DHX36: variants seen among roughly 807,000 people sequenced by gnomAD.
The protein encoded by DHX36 is ATP-dependent DNA/RNA helicase DHX36.
DHX36 carries 50 observed loss-of-function variants against 139.0 expected under a neutral mutation model. That is an observed-to-expected ratio of 0.36 (90% CI 0.29 to 0.46). The LOEUF is 0.46. Ranked by LOEUF, DHX36 falls within the 20% of genes least tolerant of loss-of-function variation. DHX36 has a pLI of 1.00. For missense variants in DHX36, 1,024 were observed against 1,211.3 expected, an observed-to-expected ratio of 0.85 and a Z score of 2.29; for synonymous variants, 425 against 401.9, an observed-to-expected ratio of 1.06 and a Z score of -0.69.
At chr3:154,298,456 TTTC>T (rs1712130263) in intron 12 of DHX36, among the ~76,000 whole-genome samples, 1 of 152,210 alleles carries the variant, frequency 6.6e-6, no homozygotes, top group African/African-American at 2.4e-5. Flanking sequence ...GAAAGCAGTA[TTTC>T]TTTATAGAGA....
chr3:154,315,924 AG>A (rs1429873193), intron 2 of DHX36, 114 bp downstream of exon 2: 6 of 1,265,910 alleles, frequency 4.7e-6, no homozygotes, highest in Non-Finnish European at 5.3e-6. Context: ...AATCTACATA[AG>A]GAAAAAAAGT....
chr3:154,301,114 G>C lies in DHX36; in HGVS notation c.1231C>G (p.Gln411Glu). 6.3e-7 allele frequency: 1 copy of C among 1,594,324 alleles called. No individual in the cohort carries two copies. Residue 411 changes from glutamine (Q) to glutamate (E), a missense_variant, in exon 10 of 25, where the codon CAA becomes GAA. Coordinates refer to ENST00000496811, the MANE Select transcript of DHX36 (RefSeq NM_020865.3). ...VIEKIRYVPE[Q>E]KEHRSQFKRG... is the part of the protein sequence containing the mutation. The stretch of plus-strand genomic sequence containing the variant: ...TTAAACTGGGATCTGTGTTCTTTTT[G>C]TTCTGGAACATACCTAAAATAAAAA...
At chr3:154,309,965 C>A in intron 4 of DHX36, 142 bp from the exon 5 acceptor site, 1 of 618,244 alleles carries the variant, frequency 1.6e-6, no homozygotes. Context: ...CCAATACTGG[C>A]AGTTTGGATA....
intron 3 of DHX36, chr3:154,312,370 T>C (rs1205215189): frequency 2.0e-5 from 3 of 152,188 alleles, no homozygotes; most frequent in Non-Finnish European, 2.9e-5. Flanking sequence ...ATTTTTCCTA[T>C]ATTTATGTGA....
chr3:154,321,261 C>T (rs961931965), intron 1 of DHX36, among the ~76,000 whole-genome samples: 4 of 152,196 alleles, frequency 2.6e-5, no homozygotes, highest in African/African-American at 9.7e-5. Flanking sequence ...CATCTCAATA[C>T]ACTCCACATC....
At position 154,276,275 on chromosome 3, in the gene DHX36, T is replaced by C. The variant is rs1032662220; in HGVS notation, c.2923A>G (p.Arg975Gly). 4 of 1,614,030 alleles carry C rather than the reference T, an allele frequency of 2.5e-6. No homozygotes were observed. The highest frequency in any genetic ancestry group is 1.7e-4 in the Middle Eastern group (1 of 6,060). Residue 975 changes from arginine to glycine, a missense_variant, in exon 25 of 25, where the codon AGA (arginine) becomes GGA (glycine). By Grantham distance (125) the Arg-to-Gly change is moderately radical. This residue lies in a region of DHX36 where 470 missense variants were observed against 616.2 expected (regional missense o/e 0.76). Coordinates refer to ENST00000496811, the MANE Select transcript of DHX36 (RefSeq NM_020865.3). Reference sequence around the variant, plus strand: ...ATAGCTGACAGTACTGCACAGTCTCTGGATTTAGTGTCATTCCAGTCTACA... The same window carrying C: ...ATAGCTGACAGTACTGCACAGTCTCCGGATTTAGTGTCATTCCAGTCTACA... ...HPVDWNDTKS[R>G]DCAVLSAIID...
rs1559963392 is a variant in DHX36 at position 154,324,273 on chromosome 3, G to T, written c.144C>A (p.Gly48=). ...GGTGCCCGGGATGCCGGCCCCTGCC[G>T]CCTCGACCACCCCCTCCGCCGCCGC... The part of the protein sequence containing the change: ...GGGGGGGGGR[G]GRGRHPGHLK... The change falls in exon 1 of 25, where the codon GGC becomes GGA. Residue 48 remains glycine, a synonymous_variant. Transcript: ENST00000496811. 1 of 1,613,376 alleles carries T rather than the reference G, an allele frequency of 6.2e-7. No individual in the cohort carries two copies. The highest frequency in any genetic ancestry group is 1.3e-5 in the African/African-American group (1 of 75,006).
chr3:154,316,199 A>G (rs755539960), intron 1 of DHX36, 36 bp from the exon 2 acceptor site: 11 of 1,607,820 alleles, frequency 6.8e-6, no homozygotes, highest in East Asian at 2.2e-5. Flanking sequence ...CCTTGTCAAC[A>G]TAAGAAAGCA....
intron 15 of DHX36, among the ~76,000 whole-genome samples, chr3:154,290,649 A>G (rs1378547841): frequency 6.6e-6 from 1 of 151,740 alleles, no homozygotes; most frequent in African/African-American, 2.4e-5. Context: ...AAAAAAAAAA[A>G]AAAACTAGAT....
chr3:154,293,835 A>C, intron 13 of DHX36, 23 bp from the exon 14 acceptor site: 1 of 1,555,810 alleles, frequency 6.4e-7, no homozygotes, highest in East Asian at 2.2e-5. Context: ...ATACATCAGA[A>C]TCACAAAAGT....
Position 154,307,827 on chromosome 3 carries a change from T to G in DHX36, c.814-1532A>C, listed in dbSNP as rs559718168. Among the ~76,000 whole-genome samples, 5 of 152,202 alleles carry G rather than the reference T, an allele frequency of 3.3e-5. No individual in the cohort carries two copies. In the East Asian group the frequency reaches 9.7e-4, roughly 29 times the overall value. On this transcript the variant is annotated intron_variant, in intron 5 of 24. Coordinates refer to ENST00000496811, the MANE Select transcript of DHX36 (RefSeq NM_020865.3). The stretch of plus-strand genomic sequence containing the variant: ...AAAAAAAAATACTTGTCTTGCATGT[T>G]TATCACAGTACTATTCATAACAGTA...
intron 1 of DHX36, among the ~76,000 whole-genome samples, chr3:154,323,221 G>T (rs1241586581): frequency 6.6e-6 from 1 of 152,108 alleles, no homozygotes; most frequent in African/African-American, 2.4e-5. Context: ...TGTAATCCCA[G>T]CTACTCGGGA....
chr3:154,296,449 A>G (rs1020427529), intron 12 of DHX36, among the ~76,000 whole-genome samples: 6 of 152,192 alleles, frequency 3.9e-5, no homozygotes, highest in South Asian at 2.1e-4. Context: ...ACTCCAGCCT[A>G]GGTGACAGAG....
At chr3:154,284,547 A>G (rs765233520) in intron 19 of DHX36, 36 bp downstream of exon 19, 3 of 1,483,182 alleles carry the variant, frequency 2.0e-6, no homozygotes, top group Admixed American at 2.1e-5. Flanking sequence ...ATTTGAATAA[A>G]CTATCATAAT....
chr3:154,303,771 T>C (rs557148572), intron 8 of DHX36, among the ~76,000 whole-genome samples: 1 of 152,358 alleles, frequency 6.6e-6, no homozygotes, highest in African/African-American at 2.4e-5. Context: ...ATCAAAGTTT[T>C]ACTGAATTCT....
intron 1 of DHX36, among the ~76,000 whole-genome samples, chr3:154,318,295 A>G (rs528586395): frequency 9.9e-5 from 15 of 152,260 alleles, no homozygotes; most frequent in Admixed American, 7.8e-4. Flanking sequence ...AGGACATAAA[A>G]TGTCTCTACT....
rs73872808 is a variant in DHX36, at chr3:154,305,899, G to A, written c.893+317C>T. ...AAAATCAATAAAAAGTCAGTCGGAA[G>A]TATATGGAGGTGGTACTGAAAGGTC... On this transcript the variant is annotated intron_variant, in intron 6 of 24. Coordinates refer to ENST00000496811, the MANE Select transcript of DHX36 (RefSeq NM_020865.3). Among the ~76,000 whole-genome samples the A allele has an allele frequency of 4.1e-3, 617 of 152,230 alleles. 5 individuals are homozygous for A. The highest frequency in any genetic ancestry group is 0.014 in the African/African-American group (575 of 41,524).
chr3:154,295,844 T>C (rs1481393517), intron 12 of DHX36, among the ~76,000 whole-genome samples: 1 of 152,216 alleles, frequency 6.6e-6, no homozygotes, highest in African/African-American at 2.4e-5. Flanking sequence ...CTCTGCTCAC[T>C]GCAACCTCTG....
At chr3:154,298,061 C>G (rs1392460585) in intron 12 of DHX36, among the ~76,000 whole-genome samples, 1 of 152,122 alleles carries the variant, frequency 6.6e-6, no homozygotes, top group African/African-American at 2.4e-5. Flanking sequence ...AAAAAACACT[C>G]AAGTTCTGGA....
Sources: allele counts gnomAD v4.1 joint callset (sites outside exome capture counted in the v4.1 genomes callset), GRCh38; gene constraint gnomAD v4.1.1; regional missense constraint gnomAD v4.1.1; transcripts MANE v1.5; gene names NCBI Gene and HGNC (gene_info 2026-07-23, HGNC 2026-07-21).